The following CERK variants were observed in gnomAD, a reference collection of about 807,000 sequenced individuals.
The protein encoded by CERK is ceramide kinase, also known as acylsphingosine kinase.
In CERK, 39 loss-of-function variants were observed where a neutral mutation model predicts 63.4. The observed-to-expected ratio is 0.61, with a 90% confidence interval of 0.48 to 0.80. The LOEUF (loss-of-function observed/expected upper bound fraction) is 0.80, where lower values mean the gene tolerates loss of function less well. Among genes scored for constraint, CERK ranks in the 30% least tolerant of loss-of-function variants. The probability of loss-of-function intolerance (pLI) is 0.00; values close to 1 mark genes in which losing one functional copy is unlikely to be tolerated. For missense variants in CERK, 670 were observed against 714.1 expected, an observed-to-expected ratio of 0.94 and a Z score of 0.70; for synonymous variants, 302 against 280.0, an observed-to-expected ratio of 1.08 and a Z score of -0.78.
chr22:46,700,227 C>T (rs2146553057), intron 7 of CERK, among the ~76,000 whole-genome samples: 1 of 150,552 alleles, frequency 6.6e-6, no homozygotes, highest in East Asian at 2.0e-4. Flanking sequence ...AACCCCGTCT[C>T]TACTAAAAAT....
intron 3 of CERK, among the ~76,000 whole-genome samples, chr22:46,713,942 G>A (rs1428956397): frequency 6.6e-6 from 1 of 152,150 alleles, no homozygotes; most frequent in Non-Finnish European, 1.5e-5. Flanking sequence ...GACCAGCCAG[G>A]GCGATATAGT....
chr22:46,711,981 G>C (rs2082843309), intron 4 of CERK, among the ~76,000 whole-genome samples, 187 bp downstream of exon 4: 1 of 152,148 alleles, frequency 6.6e-6, no homozygotes. Context: ...CAGCTACTTG[G>C]GAGGCTGAGG....
chr22:46,719,162 G>GTGTGTGTGTA (rs1454065003), intron 3 of CERK, among the ~76,000 whole-genome samples: 2 of 151,500 alleles, frequency 1.3e-5, no homozygotes, highest in African/African-American at 4.9e-5. Context: ...GTGTGTGTGT[G>GTGTGTGTGTA]TGTGTGTGTG....
Position 46,738,230 on chromosome 22 carries a change from C to CCGGGAGG in CERK, c.-83_-82insCCTCCCG. ...GACCGTTAGCGGCCCCTGCAGTGGC[C>CCGGGAGG]CGGGCGGCGGGCGGCGGGCGGCGGG... On this transcript the variant is annotated 5_prime_UTR_variant, in exon 1 of 13. Coordinates refer to ENST00000216264, the MANE Select transcript of CERK (RefSeq NM_022766.6). The CCGGGAGG allele has an allele frequency of 5.8e-6, 3 of 513,558 alleles. No homozygotes were observed. Among genetic ancestry groups the CCGGGAGG allele is most frequent in the Non-Finnish European group, 7.4e-6 (3 of 407,194 alleles). 31.8% of individuals were successfully genotyped at this position (513,558 alleles called of 1,614,324 possible).
At chr22:46,711,016 A>G (rs1354856988) in intron 5 of CERK, 70 bp downstream of exon 5, 4 of 1,319,922 alleles carry the variant, frequency 3.0e-6, no homozygotes, top group East Asian at 2.3e-5. Context: ...AGGAGCTCTC[A>G]AAACTGAGAG....
At position 46,686,987 on chromosome 22, in the gene CERK, T is replaced by C. The variant is rs1403150230; in HGVS notation, c.*147A>G. 1.4e-6 allele frequency: 1 copy of C among 735,238 alleles called. No homozygotes were observed. The highest frequency in any genetic ancestry group is 2.2e-6 in the Non-Finnish European group (1 of 458,376). 45.5% of individuals were successfully genotyped at this position (735,238 alleles called of 1,614,324 possible). A position where few individuals can be genotyped will look rare whatever the true frequency, so the allele number is the denominator to read the frequency against. ...ATGCCAAATATGTACACAAAATTGT[T>C]GACAAAAGGGTTTTCTTCTAAAATC... On this transcript the variant is annotated 3_prime_UTR_variant, in exon 13 of 13. Coordinates refer to ENST00000216264, the MANE Select transcript of CERK (RefSeq NM_022766.6).
rs1218844231 is a variant in CERK, at chr22:46,685,360, CG to C, written c.*1773del. The stretch of plus-strand genomic sequence containing the variant: ...TGCTGGGATTACAGGCGTGAGCCAC[CG>C]CGCCCAGCCGGGAAACATTTACCAG... On this transcript the variant is annotated 3_prime_UTR_variant, in exon 13 of 13. Transcript: ENST00000216264. The C allele has an allele frequency of 2.0e-5, 3 of 152,352 alleles. No individual in the cohort carries two copies. The East Asian group carries it at 5.8e-4, about 29-fold the overall frequency. The allele number at this position is 152,352 out of a possible 1,614,324, so 9.4% of individuals were successfully genotyped here.
chr22:46,707,776 T>C (rs2082820275), intron 6 of CERK, 67 bp downstream of exon 6: 5 of 1,525,014 alleles, frequency 3.3e-6, no homozygotes, highest in Non-Finnish European at 4.4e-6. Context: ...CCGAGGTGGC[T>C]ACTTGTGCAG....
intron 6 of CERK, 140 bp downstream of exon 6, chr22:46,707,703 G>T: frequency 1.1e-6 from 1 of 945,794 alleles, no homozygotes; most frequent in Non-Finnish European, 1.6e-6. Flanking sequence ...ATCCCCCCAA[G>T]AGTGGCCCTA....
At chr22:46,717,142 T>C (rs1345798735) in intron 3 of CERK, among the ~76,000 whole-genome samples, 2 of 152,140 alleles carry the variant, frequency 1.3e-5, no homozygotes, top group East Asian at 3.8e-4. Context: ...AACACCACCA[T>C]GGCTAAGACG....
intron 8 of CERK, among the ~76,000 whole-genome samples, chr22:46,695,801 A>G (rs1008905437): frequency 6.6e-6 from 1 of 152,230 alleles, no homozygotes; most frequent in Non-Finnish European, 1.5e-5. Flanking sequence ...TGCCACCCAA[A>G]GTCTGGGGCC....
At chr22:46,699,008 G>T (rs1422899951) in intron 8 of CERK, among the ~76,000 whole-genome samples, 1 of 152,194 alleles carries the variant, frequency 6.6e-6, no homozygotes, top group Non-Finnish European at 1.5e-5. Flanking sequence ...GATGTGAGAG[G>T]CTGGTGGCCT....
chr22:46,723,993 T>C (rs2082905598), intron 1 of CERK, among the ~76,000 whole-genome samples: 1 of 152,096 alleles, frequency 6.6e-6, no homozygotes, highest in Non-Finnish European at 1.5e-5. Flanking sequence ...CCACCGCGCC[T>C]GGCCAGATTT....
intron 3 of CERK, among the ~76,000 whole-genome samples, chr22:46,712,877 C>G (rs928791450): frequency 7.1e-6 from 1 of 139,984 alleles, no homozygotes; most frequent in African/African-American, 2.7e-5. Flanking sequence ...TGGAGTCTCG[C>G]TCTGTCGCCC....
rs184347674 is a variant in CERK, at chr22:46,729,364, T to A, written c.143-8349A>T. 1.9e-3 allele frequency among the ~76,000 whole-genome samples: 290 copies of A among 152,100 alleles called. 1 individual carries two copies. The highest frequency in any genetic ancestry group is 0.01 in the South Asian group (49 of 4,812). On this transcript the variant is annotated intron_variant, in intron 1 of 12. Transcript: ENST00000216264. ...ACAGTGAGACTGTAAATAAATAAAT[T>A]AATTAATTTAATTAAATAGAAAAAT...
intron 5 of CERK, 117 bp downstream of exon 5, chr22:46,710,969 T>C (rs542247299): frequency 8.3e-6 from 6 of 724,862 alleles, no homozygotes; most frequent in East Asian, 2.7e-5. Flanking sequence ...ACTTTTACAA[T>C]TGGTCGTGGG....
chr22:46,687,272 C>G, intron 12 of CERK, 66 bp from the exon 13 acceptor site: 4 of 1,265,534 alleles, frequency 3.2e-6, no homozygotes, highest in Non-Finnish European at 4.5e-6. Context: ...CTGAGCCCCA[C>G]TCCTGGACAG....
At position 46,714,008 on chromosome 22, in the gene CERK, G is replaced by A. The variant is rs569778101; in HGVS notation, c.380-1715C>T. 6.6e-6 allele frequency among the ~76,000 whole-genome samples: 1 copy of A among 152,120 alleles called. No individual in the cohort carries two copies. The highest frequency in any genetic ancestry group is 1.5e-5 in the Non-Finnish European group (1 of 68,028). On this transcript the variant is annotated intron_variant, in intron 3 of 12. Transcript: ENST00000216264. The surrounding 1 kb of genome is among the most constrained non-coding windows in gnomAD (Gnocchi z 4.4). ...AATCAGGCCAGGCTCAGTGGCTCAC[G>A]CCTGTTAATCCCAACACTTTGGGAG...
In CERK at chr22:46,686,635, A is replaced by C. The variant is rs1011973275; in HGVS notation, c.*499T>G. 3 of 169,046 alleles carry C rather than the reference A, an allele frequency of 1.8e-5. No individual in the cohort carries two copies. The highest frequency in any genetic ancestry group is 7.2e-5 in the African/African-American group (3 of 41,736). 10.5% of individuals were successfully genotyped at this position (169,046 alleles called of 1,614,324 possible). ...ACAGTATTGTAAGGATCAAGCAGCG[A>C]TGTCCTAACCGTAAACGAAGAGGAA... On this transcript the variant is annotated 3_prime_UTR_variant, in exon 13 of 13. Coordinates refer to ENST00000216264, the MANE Select transcript of CERK (RefSeq NM_022766.6).
Sources: allele counts gnomAD v4.1 joint callset (sites outside exome capture counted in the v4.1 genomes callset), GRCh38; gene constraint gnomAD v4.1.1; non-coding constraint Gnocchi (gnomAD v3.1); transcripts MANE v1.5; gene names NCBI Gene and HGNC (gene_info 2026-07-23, HGNC 2026-07-21).